The following ROBO1 variants were observed in gnomAD, a reference collection of about 807,000 sequenced individuals.
ROBO1 encodes roundabout homolog 1.
Under a neutral mutation model 195.9 loss-of-function variants are expected in ROBO1, and 149 were observed. The observed-to-expected ratio is 0.76, with a 90% CI of 0.67 to 0.87. The LOEUF (loss-of-function observed/expected upper bound fraction) is 0.87, where lower values mean the gene tolerates loss of function less well. Ranked by LOEUF, ROBO1 falls within the 40% of genes least tolerant of loss-of-function variation. ROBO1 has a pLI of 0.00. For synonymous variants in ROBO1, 816 were observed against 733.2 expected (o/e 1.11, Z -1.82); for missense variants, 1,933 against 2,068.3 (o/e 0.93, Z 1.27).
At chr3:79,099,677 C>T (rs2079639199) in intron 3 of ROBO1, among the ~76,000 whole-genome samples, 1 of 151,660 alleles carries the variant, frequency 6.6e-6, no homozygotes, top group African/African-American at 2.4e-5. Flanking sequence ...TAAGAATTCA[C>T]AATTTTGTCA....
At chr3:78,995,857 G>A (rs1317922075) in intron 3 of ROBO1, among the ~76,000 whole-genome samples, 3 of 151,946 alleles carry the variant, frequency 2.0e-5, no homozygotes, top group Admixed American at 6.6e-5. Context: ...AATAAAAAGT[G>A]TGTACCTACA....
intron 2 of ROBO1, among the ~76,000 whole-genome samples, chr3:79,221,907 T>C (rs940730008): frequency 1.3e-5 from 2 of 152,130 alleles, no homozygotes; most frequent in East Asian, 3.8e-4. Flanking sequence ...TATATATGTA[T>C]ACAAATACTG....
chr3:79,630,353 A>G (rs932706208), intron 1 of ROBO1, among the ~76,000 whole-genome samples: 4 of 152,044 alleles, frequency 2.6e-5, no homozygotes, highest in African/African-American at 9.7e-5. Flanking sequence ...AAATCAATAG[A>G]TGTGATTAAC....
chr3:79,574,283 G>C (rs1943375447), intron 2 of ROBO1, among the ~76,000 whole-genome samples: 1 of 151,694 alleles, frequency 6.6e-6, no homozygotes, highest in Non-Finnish European at 1.5e-5. Flanking sequence ...CTTTCAACTG[G>C]ATCACGCGTT....
intron 3 of ROBO1, among the ~76,000 whole-genome samples, chr3:78,943,775 G>A (rs947586060): frequency 3.3e-5 from 5 of 152,122 alleles, no homozygotes; most frequent in African/African-American, 1.2e-4. Context: ...ATAATTTGAG[G>A]AGAATGAATA....
chr3:78,960,943 T>C (rs1330896695), intron 3 of ROBO1, among the ~76,000 whole-genome samples: 1 of 152,128 alleles, frequency 6.6e-6, no homozygotes, highest in Non-Finnish European at 1.5e-5. Context: ...TCTGTTCTAG[T>C]GTTTTCTGTT....
At chr3:79,192,999 T>C (rs1011219588) in intron 2 of ROBO1, among the ~76,000 whole-genome samples, 16 of 151,578 alleles carry the variant, frequency 1.1e-4, no homozygotes, top group African/African-American at 3.6e-4. Context: ...CATGGTTACA[T>C]GTGGAAAGTG....
chr3:79,609,996 T>G (rs72907835), intron 1 of ROBO1, among the ~76,000 whole-genome samples: 1 of 151,936 alleles, frequency 6.6e-6, no homozygotes, highest in East Asian at 1.9e-4. Flanking sequence ...TGGTTAAAAT[T>G]GAAATTTTAT....
chr3:79,544,727 AG>A (rs1942199936), intron 2 of ROBO1, among the ~76,000 whole-genome samples: 1 of 151,886 alleles, frequency 6.6e-6, no homozygotes, highest in African/African-American at 2.4e-5. Flanking sequence ...ACATTAAAAA[AG>A]TCTTAGATAT....
intron 1 of ROBO1, among the ~76,000 whole-genome samples, chr3:79,661,695 G>A (rs1241242029): frequency 6.6e-6 from 1 of 151,742 alleles, no homozygotes; most frequent in African/African-American, 2.4e-5. Flanking sequence ...ATTTTACAGT[G>A]TAGTAAAATA....
At chr3:78,604,928 T>A (rs1200822328) in intron 29 of ROBO1, among the ~76,000 whole-genome samples, 1 of 152,222 alleles carries the variant, frequency 6.6e-6, no homozygotes, top group Non-Finnish European at 1.5e-5. Flanking sequence ...TAGTCTATAA[T>A]AATGTTCAAA....
intron 3 of ROBO1, chr3:79,019,538 C>A: frequency 1.0e-6 from 1 of 985,910 alleles, no homozygotes; most frequent in East Asian, 1.1e-4. Context: ...CTTAAAGGGG[C>A]CGCGTGGTCC....
chr3:79,166,072 T>C (rs896487613), intron 2 of ROBO1, among the ~76,000 whole-genome samples: 3 of 152,136 alleles, frequency 2.0e-5, no homozygotes, highest in Admixed American at 2.0e-4. Flanking sequence ...CCCCCAACAA[T>C]AGCGCAAACC....
At chr3:79,005,342 T>G (rs1329122315) in intron 3 of ROBO1, among the ~76,000 whole-genome samples, 1 of 152,198 alleles carries the variant, frequency 6.6e-6, no homozygotes, top group African/African-American at 2.4e-5. Context: ...CTGCCCCTGA[T>G]AGATGTCTTA....
intron 1 of ROBO1, among the ~76,000 whole-genome samples, chr3:79,612,992 GATTTTCAGAT>G (rs1182839526): frequency 6.6e-6 from 1 of 150,596 alleles, no homozygotes; most frequent in East Asian, 2.0e-4. Flanking sequence ...TTTAAGGATG[GATTTTCAGAT>G]ATTTTCAGAA....
rs200736248 is a variant in ROBO1 at position 79,765,389 on chromosome 3, T to TG, written c.-51+2362dup. Among the ~76,000 whole-genome samples, 1,444 of 152,264 alleles carry TG rather than the reference T, an allele frequency of 9.5e-3. 19 individuals are homozygous for TG. The highest frequency in any genetic ancestry group is 0.033 in the African/African-American group (1,370 of 41,544). On this transcript the variant is annotated intron_variant, in intron 1 of 30. Coordinates refer to ENST00000464233, the MANE Select transcript of ROBO1 (RefSeq NM_002941.4). ...TGCTGCTGCTTCCTCTTCCTTTTTT[T>TG]GGGGGGTGGGGGCCGATTTTGGAAG...
intron 2 of ROBO1, among the ~76,000 whole-genome samples, chr3:79,294,080 A>AAAAAAG (rs1553714583): frequency 5.7e-5 from 8 of 140,118 alleles, no homozygotes; most frequent in African/African-American, 1.1e-4. Flanking sequence ...AAAAAAAAAA[A>AAAAAAG]AAAGAAAGAA....
At chr3:79,732,691 T>A (rs1703203761) in intron 1 of ROBO1, among the ~76,000 whole-genome samples, 3 of 152,192 alleles carry the variant, frequency 2.0e-5, no homozygotes, top group African/African-American at 7.2e-5. Context: ...ATTTCAGTTT[T>A]AAGAAACAGT....
chr3:79,631,769 A>G (rs1052676857), intron 1 of ROBO1, among the ~76,000 whole-genome samples: 6 of 152,082 alleles, frequency 3.9e-5, no homozygotes, highest in Non-Finnish European at 1.5e-5. Context: ...GAACTCAAAC[A>G]GTTCAATAAG....
Sources: allele counts gnomAD v4.1 joint callset (sites outside exome capture counted in the v4.1 genomes callset), GRCh38; gene constraint gnomAD v4.1.1; transcripts MANE v1.5; gene names NCBI Gene and HGNC (gene_info 2026-07-23, HGNC 2026-07-21).